Variants in SLC39A11 observed in about 807,000 individuals in gnomAD.
SLC39A11 encodes the protein solute carrier family 39 member 11.
A neutral mutation model predicts 36.1 loss-of-function variants in SLC39A11; 33 were observed. That is an observed-to-expected ratio of 0.91 (90% CI 0.69 to 1.22). SLC39A11 has a LOEUF of 1.22. SLC39A11 is among the 50% of genes most tolerant of loss of function. SLC39A11 has a pLI of 0.00. For missense variants in SLC39A11, 432 were observed against 430.3 expected (o/e 1.00, Z -0.03); for synonymous variants, 166 against 170.3 (o/e 0.97, Z 0.20).
At chr17:72,929,596 A>C (rs1360485368) in intron 5 of SLC39A11, among the ~76,000 whole-genome samples, 1 of 152,126 alleles carries the variant, frequency 6.6e-6, no homozygotes, top group Non-Finnish European at 1.5e-5. Context: ...TCAATTAAAA[A>C]ATTCCCAAAT....
intron 6 of SLC39A11, chr17:72,838,231 CTT>C (rs574382302): frequency 0.022 from 6,407 of 285,874 alleles, no homozygotes; most frequent in East Asian, 0.031. Context: ...CTTTCCTTTT[CTT>C]TTTTTTTTTT....
chr17:72,781,304 T>A (rs1471768301), intron 6 of SLC39A11, among the ~76,000 whole-genome samples: 1 of 151,594 alleles, frequency 6.6e-6, no homozygotes, highest in Non-Finnish European at 1.5e-5. Context: ...AGAGAACTCC[T>A]CCCAGAACTT....
chr17:72,904,267 T>G (rs1286220245), intron 5 of SLC39A11, among the ~76,000 whole-genome samples: 2 of 151,978 alleles, frequency 1.3e-5, no homozygotes, highest in Non-Finnish European at 2.9e-5. Context: ...ACAGTGAGAC[T>G]CTATCTCTAA....
At chr17:72,692,766 C>T (rs1408969924) in intron 7 of SLC39A11, among the ~76,000 whole-genome samples, 1 of 152,118 alleles carries the variant, frequency 6.6e-6, no homozygotes, top group Non-Finnish European at 1.5e-5. Context: ...CATGTGTTCA[C>T]ATCAATGTCC....
intron 5 of SLC39A11, among the ~76,000 whole-genome samples, chr17:72,904,372 T>G (rs968050719): frequency 9.9e-5 from 15 of 152,192 alleles, no homozygotes; most frequent in Non-Finnish European, 1.8e-4. Context: ...ACCCAACACG[T>G]TCAGTCTCCA....
In SLC39A11 at chr17:72,729,439, ATATATATATATATATATAT is replaced by A. The variant is rs2074104491; in HGVS notation, c.671+7192_671+7210del. On this transcript the variant is annotated intron_variant, in intron 7 of 9. Transcript: ENST00000255559. The stretch of plus-strand genomic sequence containing the variant: ...TATATATATATATATATATATATAT[ATATATATATATATATATAT>A]TTTTTTTTTTTTTTTTTTTTGTAGA... Among the ~76,000 whole-genome samples the A allele has an allele frequency of 4.1e-3, 9 of 2,172 alleles. 1 individual carries two copies. The highest frequency in any genetic ancestry group is 7.7e-3 in the Non-Finnish European group (7 of 908). 1.4% of individuals were successfully genotyped at this position (2,172 alleles called of 152,430 possible).
chr17:73,021,903 G>T (rs956668014), intron 4 of SLC39A11, among the ~76,000 whole-genome samples: 1 of 152,214 alleles, frequency 6.6e-6, no homozygotes. Context: ...GAACCATTCC[G>T]TGCTTAAGGA....
chr17:72,955,298 C>CTTTTTTTTTT lies in SLC39A11; in HGVS notation c.307-7433_307-7424dup, dbSNP rs71359751. 3.1e-3 allele frequency among the ~76,000 whole-genome samples: 202 copies of CTTTTTTTTTT among 65,566 alleles called. 2 individuals carry two copies. The highest frequency in any genetic ancestry group is 3.3e-3 in the Non-Finnish European group (125 of 38,254). The allele number at this position is 65,566 out of a possible 152,430, so 43.0% of individuals were successfully genotyped here. A position where few individuals can be genotyped will look rare whatever the true frequency, so the allele number is the denominator to read the frequency against. On this transcript the variant is annotated intron_variant, in intron 4 of 9. Coordinates refer to ENST00000255559, the MANE Select transcript of SLC39A11 (RefSeq NM_139177.4). Reference sequence around the variant, plus strand: ...GAATAGGCTTTAACTTTTCAGTTCTCTTTTTTTTTTTTTTTTTTTTGTTTG... The same window carrying CTTTTTTTTTT: ...GAATAGGCTTTAACTTTTCAGTTCTCTTTTTTTTTTTTTTTTTTTTTTTTTTTTTTGTTTG...
chr17:72,743,082 A>G lies in SLC39A11; in HGVS notation c.602-6363T>C, dbSNP rs572388437. Among the ~76,000 whole-genome samples, 91 of 152,350 alleles carry G rather than the reference A, an allele frequency of 6.0e-4. 1 individual carries two copies. Among genetic ancestry groups the G allele is most frequent in the Non-Finnish European group, 1.3e-4 (9 of 68,026 alleles). On this transcript the variant is annotated intron_variant, in intron 6 of 9. Transcript: ENST00000255559. The stretch of plus-strand genomic sequence containing the variant: ...AATCGCTTGGAGTAGCTTAGCTCAC[A>G]GCCTGAGCTTGCTGACTTGTGACAT...
intron 6 of SLC39A11, chr17:72,837,810 T>C (rs1352915671): frequency 3.8e-6 from 2 of 531,304 alleles, no homozygotes; most frequent in African/African-American, 2.0e-5. Flanking sequence ...TATTACATGA[T>C]ACCGTTTAAA....
At chr17:73,041,620 A>G (rs1247073557) in intron 3 of SLC39A11, among the ~76,000 whole-genome samples, 1 of 152,284 alleles carries the variant, frequency 6.6e-6, no homozygotes, top group Non-Finnish European at 1.5e-5. Context: ...GGCACCCAGC[A>G]TCTTCCCACA....
At chr17:72,715,816 G>T (rs1180787520) in intron 7 of SLC39A11, among the ~76,000 whole-genome samples, 2 of 152,112 alleles carry the variant, frequency 1.3e-5, no homozygotes, top group African/African-American at 4.8e-5. Flanking sequence ...CGATTCTCGT[G>T]CCTCAGCCTC....
chr17:72,725,006 T>C (rs2073866541), intron 7 of SLC39A11, among the ~76,000 whole-genome samples: 1 of 152,232 alleles, frequency 6.6e-6, no homozygotes, highest in East Asian at 1.9e-4. Context: ...GATGAATGAC[T>C]TGATGGCAAA....
At chr17:72,788,335 C>T (rs1286307350) in intron 6 of SLC39A11, among the ~76,000 whole-genome samples, 1 of 152,200 alleles carries the variant, frequency 6.6e-6, no homozygotes, top group African/African-American at 2.4e-5. Flanking sequence ...CCCTTGTTTC[C>T]ATGCATTATT....
chr17:73,042,758 C>T (rs531755161), intron 3 of SLC39A11, among the ~76,000 whole-genome samples: 6 of 152,264 alleles, frequency 3.9e-5, no homozygotes, highest in African/African-American at 9.6e-5. Flanking sequence ...GCCGAGAACA[C>T]GCCATTGCAC....
At chr17:73,068,497 A>G (rs1326229926) in intron 3 of SLC39A11, among the ~76,000 whole-genome samples, 2 of 152,052 alleles carry the variant, frequency 1.3e-5, no homozygotes, top group Admixed American at 6.5e-5. Context: ...AACTCACTCA[A>G]ACAAGACAGA....
At chr17:73,054,503 T>G (rs142164283) in intron 3 of SLC39A11, among the ~76,000 whole-genome samples, 2 of 152,210 alleles carry the variant, frequency 1.3e-5, no homozygotes, top group Non-Finnish European at 2.9e-5. Context: ...AGACCGCCTC[T>G]GCCCTCAAGG....
At chr17:73,054,364 AAAACAAAAAAAC>A (rs1378322390) in intron 3 of SLC39A11, among the ~76,000 whole-genome samples, 20 of 150,076 alleles carry the variant, frequency 1.3e-4, no homozygotes, top group Non-Finnish European at 2.5e-4. Flanking sequence ...CATCTCGAAA[AAAACAAAAAAAC>A]AAAAAAAAAA....
intron 6 of SLC39A11, among the ~76,000 whole-genome samples, chr17:72,754,188 C>T (rs983403192): frequency 2.6e-5 from 4 of 151,698 alleles, no homozygotes; most frequent in African/African-American, 9.7e-5. Flanking sequence ...AGTGAAGTAA[C>T]TCAGGAATGG....
Sources: gnomAD v4.1 joint callset for allele counts (sites outside exome capture counted in the v4.1 genomes callset) on GRCh38, gnomAD v4.1.1 for gene constraint, MANE v1.5 for transcripts, NCBI Gene and HGNC (gene_info 2026-07-23, HGNC 2026-07-21) for gene names.